The following PRKDC variants were observed in gnomAD, a reference collection of about 807,000 sequenced individuals.
PRKDC encodes DNA-dependent protein kinase catalytic subunit.
PRKDC carries 82 observed loss-of-function variants against 486.9 expected under a neutral mutation model. That is an observed-to-expected ratio of 0.17 (90% confidence interval 0.14 to 0.20). The LOEUF is 0.20. Among genes scored for constraint, PRKDC ranks in the 10% least tolerant of loss-of-function variants. The probability of loss-of-function intolerance (pLI) is 1.00; values close to 1 mark genes in which losing one functional copy is unlikely to be tolerated. For missense variants in PRKDC, 4,504 were observed against 5,038.2 expected, an observed-to-expected ratio of 0.89 and a Z score of 3.21; for synonymous variants, 1,895 against 1,837.0, an observed-to-expected ratio of 1.03 and a Z score of -0.81.
At chr8:47,872,707 A>C (rs2088983848) in intron 40 of PRKDC, among the ~76,000 whole-genome samples, 1 of 152,198 alleles carries the variant, frequency 6.6e-6, no homozygotes, top group Non-Finnish European at 1.5e-5. Flanking sequence ...TCATTATATA[A>C]TGATTAAGGG....
intron 10 of PRKDC, among the ~76,000 whole-genome samples, chr8:47,942,364 G>A (rs8178011): frequency 6.6e-6 from 1 of 152,182 alleles, no homozygotes; most frequent in Non-Finnish European, 1.5e-5. Flanking sequence ...CTAAGGAGGC[G>A]AGAGGGACAG....
At position 47,782,729 on chromosome 8, in the gene PRKDC, C is replaced by T; in HGVS notation, c.11176-131G>A. 1.0e-6 allele frequency: 1 copy of T among 982,254 alleles called. No homozygotes were observed. The highest frequency in any genetic ancestry group is 1.5e-6 in the Non-Finnish European group (1 of 677,450). 60.8% of individuals were successfully genotyped at this position (982,254 alleles called of 1,614,324 possible). A position where few individuals can be genotyped will look rare whatever the true frequency, so the allele number is the denominator to read the frequency against. Reference sequence around the variant, plus strand: ...AAGACAGTGCCAAAGAGCAGAGCGCCCAGGCCAGCAACGAATTTCTGCTAC... The same window carrying T: ...AAGACAGTGCCAAAGAGCAGAGCGCTCAGGCCAGCAACGAATTTCTGCTAC... On this transcript the variant is annotated intron_variant, in intron 78 of 85. Transcript: ENST00000314191. The surrounding 1 kb of genome is among the most constrained non-coding windows in gnomAD (Gnocchi z 4.9).
At chr8:47,893,103 C>T in intron 31 of PRKDC, 36 bp downstream of exon 31, 9 of 1,523,652 alleles carry the variant, frequency 5.9e-6, no homozygotes, top group Non-Finnish European at 8.0e-6. Context: ...ACTCTGGCAG[C>T]ACGACACACA....
chr8:47,844,629 T>C (rs532530832), intron 54 of PRKDC, among the ~76,000 whole-genome samples: 4 of 152,186 alleles, frequency 2.6e-5, no homozygotes, highest in South Asian at 4.1e-4. Context: ...ATCAACCACA[T>C]GCTCAGCCAT....
chr8:47,918,711 G>T (rs1403417775), intron 21 of PRKDC, among the ~76,000 whole-genome samples: 1 of 152,098 alleles, frequency 6.6e-6, no homozygotes, highest in Non-Finnish European at 1.5e-5. Flanking sequence ...GATGGCAAAA[G>T]ATTAGACCCA....
chr8:47,914,209 G>T, intron 23 of PRKDC, 145 bp from the exon 24 acceptor site: 1 of 658,074 alleles, frequency 1.5e-6, no homozygotes, highest in Non-Finnish European at 2.2e-6. Flanking sequence ...CTTTTCTTTT[G>T]CCTCAGATAT....
chr8:47,837,523 T>G (rs1316579848), intron 56 of PRKDC, 104 bp from the exon 57 acceptor site: 1 of 878,458 alleles, frequency 1.1e-6, no homozygotes, highest in Non-Finnish European at 1.7e-6. Context: ...TTCACCCACA[T>G]GAAGCTTAAC....
chr8:47,942,691 AC>A (rs1186186356), intron 10 of PRKDC, among the ~76,000 whole-genome samples: 5 of 152,182 alleles, frequency 3.3e-5, no homozygotes, highest in African/African-American at 1.2e-4. Context: ...GACACCCAGG[AC>A]ATCCTGGAGA....
At chr8:47,860,420 G>T (rs944305516) in intron 45 of PRKDC, among the ~76,000 whole-genome samples, 5 of 152,238 alleles carry the variant, frequency 3.3e-5, no homozygotes, top group African/African-American at 1.2e-4. Flanking sequence ...ATATGCTGGA[G>T]TGAGCAGTAA....
At chr8:47,909,373 T>C (rs1211434624) in intron 25 of PRKDC, among the ~76,000 whole-genome samples, 1 of 152,252 alleles carries the variant, frequency 6.6e-6, no homozygotes. Context: ...CCCCAATCAA[T>C]ACTCTTATAA....
At chr8:47,788,881 A>C in intron 76 of PRKDC, 25 bp downstream of exon 76, 1 of 1,525,078 alleles carries the variant, frequency 6.6e-7, no homozygotes, top group Non-Finnish European at 8.8e-7. Context: ...CTGCTATCAA[A>C]ATAGCAGGCT....
At chr8:47,952,856 T>C (rs773922041) in intron 7 of PRKDC, among the ~76,000 whole-genome samples, 3 of 136,958 alleles carry the variant, frequency 2.2e-5, no homozygotes, top group African/African-American at 8.4e-5. Context: ...ATACAAAAAT[T>C]AGGCCGGGTG....
intron 40 of PRKDC, among the ~76,000 whole-genome samples, chr8:47,866,374 T>C (rs375079899): frequency 5.2e-4 from 79 of 152,304 alleles, no homozygotes; most frequent in African/African-American, 1.9e-3. Context: ...TATTCTGCTA[T>C]AGCAGCCTGA....
rs759916434 is a variant in PRKDC, at chr8:47,807,191, G to C, written c.9693C>G (p.Ile3231Met). 4.3e-6 allele frequency: 7 copies of C among 1,613,856 alleles called. No homozygotes were observed. The highest frequency in any genetic ancestry group is 5.9e-6 in the Non-Finnish European group (7 of 1,179,850). ...TTTTCATGGAAAACTTGCAACTCCT[G>C]ATCAGGGAGCTGATATCTTCTTCCT... ...QEQEEDISSL[I>M]RSCKFSMKMK... Residue 3231 changes from isoleucine (I) to methionine (M), a missense_variant, in exon 69 of 86, where the codon ATC (isoleucine) becomes ATG (methionine). Coordinates refer to ENST00000314191, the MANE Select transcript of PRKDC (RefSeq NM_006904.7).
intron 54 of PRKDC, among the ~76,000 whole-genome samples, chr8:47,848,526 C>G (rs1250127301): frequency 6.6e-6 from 1 of 152,144 alleles, no homozygotes; most frequent in African/African-American, 2.4e-5. Flanking sequence ...AAACTAACTA[C>G]TAGGTACTAT....
intron 36 of PRKDC, among the ~76,000 whole-genome samples, chr8:47,885,314 G>A (rs553533983): frequency 2.0e-5 from 3 of 151,994 alleles, no homozygotes; most frequent in African/African-American, 7.2e-5. Flanking sequence ...ACCATGCCTG[G>A]CTAATTTTTT....
intron 36 of PRKDC, 79 bp downstream of exon 36, chr8:47,885,865 C>G: frequency 1.4e-6 from 2 of 1,420,866 alleles, no homozygotes; most frequent in African/African-American, 1.4e-5. Context: ...GCACTCCAGC[C>G]TGGGCGAAAG....
chr8:47,795,872 T>C (rs1457462488), intron 73 of PRKDC, among the ~76,000 whole-genome samples: 5 of 151,566 alleles, frequency 3.3e-5, no homozygotes, highest in Admixed American at 1.3e-4. Flanking sequence ...ACTTTAAAAA[T>C]TGTAATAAAC....
At chr8:47,916,175 G>T (rs532393958) in intron 22 of PRKDC, among the ~76,000 whole-genome samples, 1 of 152,136 alleles carries the variant, frequency 6.6e-6, no homozygotes, top group Non-Finnish European at 1.5e-5. Flanking sequence ...TAGGCTGGGC[G>T]CAGTGGCTCA....
Sources: gnomAD v4.1 joint callset for allele counts (sites outside exome capture counted in the v4.1 genomes callset) on GRCh38, gnomAD v4.1.1 for gene constraint, Gnocchi (gnomAD v3.1) non-coding constraint, MANE v1.5 for transcripts, NCBI Gene and HGNC (gene_info 2026-07-23, HGNC 2026-07-21) for gene names.